Variants in MTA1 observed in about 807,000 individuals in gnomAD.
The protein encoded by MTA1 is metastasis-associated protein MTA1.
Under a neutral mutation model 97.0 loss-of-function variants are expected in MTA1, and 15 were observed. The observed-to-expected ratio is 0.15, with a 90% confidence interval of 0.10 to 0.24. The LOEUF is 0.24. Among genes scored for constraint, MTA1 ranks in the 10% least tolerant of loss-of-function variants. The pLI is 1.00. For synonymous variants in MTA1, 435 were observed against 417.5 expected, an observed-to-expected ratio of 1.04 and a Z score of -0.51; for missense variants, 709 against 1,015.1, an observed-to-expected ratio of 0.70 and a Z score of 4.10.
chr14:105,438,807 G>T, intron 2 of MTA1, 68 bp downstream of exon 2: 1 of 1,554,130 alleles, frequency 6.4e-7, no homozygotes. Flanking sequence ...CCTGCCCTGT[G>T]GGTGGCCAGT....
At chr14:105,469,692 C>G in intron 19 of MTA1, 149 bp from the exon 20 acceptor site, 1 of 1,289,982 alleles carries the variant, frequency 7.8e-7, no homozygotes, top group Non-Finnish European at 1.1e-6. Context: ...GACCAGCCCT[C>G]AGGGCTGCCC....
In MTA1 at chr14:105,463,939, C is replaced by A; in HGVS notation, c.1077-93C>A. ...AGGGGTGCGAGGACGTGGTTCTGGA[C>A]AAGGGGTGGTCAGCCGCGGTGCCTG... On this transcript the variant is annotated intron_variant, in intron 12 of 20. Coordinates refer to ENST00000331320, the MANE Select transcript of MTA1 (RefSeq NM_004689.4). The surrounding 1 kb of genome is among the most constrained non-coding windows in gnomAD (Gnocchi z 5.9). The A allele has an allele frequency of 8.3e-7, 1 of 1,206,948 alleles. No homozygotes were observed. Among genetic ancestry groups the A allele is most frequent in the Non-Finnish European group, 1.2e-6 (1 of 815,276 alleles). The allele number at this position is 1,206,948 out of a possible 1,614,324, so 74.8% of individuals were successfully genotyped here.
chr14:105,444,695 G>A (rs2082656039), intron 2 of MTA1, among the ~76,000 whole-genome samples: 1 of 151,170 alleles, frequency 6.6e-6, no homozygotes, highest in Non-Finnish European at 1.5e-5. Flanking sequence ...GGAGGCTGAG[G>A]CAGGAGAATC....
chr14:105,455,146 T>G (rs2083094042), intron 7 of MTA1, among the ~76,000 whole-genome samples: 1 of 152,158 alleles, frequency 6.6e-6, no homozygotes, highest in Admixed American at 6.5e-5. Flanking sequence ...ACTCAAGTGA[T>G]CTACCTGCTT....
intron 5 of MTA1, 35 bp downstream of exon 5, chr14:105,450,219 G>T (rs781958097): frequency 6.2e-7 from 1 of 1,611,160 alleles, no homozygotes; most frequent in Non-Finnish European, 8.5e-7. Flanking sequence ...GGGCCCCTCG[G>T]GCTGCCCTCG....
At chr14:105,423,820 G>T (rs924560230) in intron 1 of MTA1, among the ~76,000 whole-genome samples, 1 of 152,204 alleles carries the variant, frequency 6.6e-6, no homozygotes, top group Non-Finnish European at 1.5e-5. Context: ...TTGCCAGTGG[G>T]GAAAAAAGTA....
chr14:105,429,575 C>T (rs2082115888), intron 1 of MTA1, among the ~76,000 whole-genome samples: 1 of 151,758 alleles, frequency 6.6e-6, no homozygotes, highest in African/African-American at 2.4e-5. Context: ...CCTCAGCCTC[C>T]CGAGTAGCTG....
At chr14:105,441,733 G>C (rs111900359) in intron 2 of MTA1, among the ~76,000 whole-genome samples, 5,558 of 152,298 alleles carry the variant, frequency 0.036, 157 homozygotes, top group Middle Eastern at 0.078. Flanking sequence ...GGTGGAGCTT[G>C]CAGTGAGCCG....
At chr14:105,423,408 C>T (rs1555421464) in intron 1 of MTA1, among the ~76,000 whole-genome samples, 2 of 151,788 alleles carry the variant, frequency 1.3e-5, no homozygotes, top group African/African-American at 4.8e-5. Flanking sequence ...GTAGAGACGG[C>T]GTTTCTCCAT....
intron 2 of MTA1, among the ~76,000 whole-genome samples, chr14:105,439,095 TC>T (rs2082418205): frequency 7.3e-6 from 1 of 136,894 alleles, no homozygotes; most frequent in African/African-American, 2.7e-5. Context: ...AAAGCCATAC[TC>T]GGTGCCCCTG....
chr14:105,455,345 T>A (rs7493450), intron 7 of MTA1, among the ~76,000 whole-genome samples: 133,487 of 152,272 alleles, frequency 0.88, 61,210 homozygotes, highest in East Asian at 1. Flanking sequence ...CCCCGGATGC[T>A]GGCAGCCTCC....
rs2081873595 is a variant in MTA1, at chr14:105,422,430, G to A, written c.28+2367G>A. On this transcript the variant is annotated intron_variant, in intron 1 of 20. Transcript: ENST00000331320. This position sits in a 1 kb window ranked among gnomAD's most constrained non-coding sequence, Gnocchi z 4.3. Reference sequence around the variant, plus strand: ...CCGTCTGTCGCCGGCTGCCTGGCACGGGCTCCATCTGGGTGGCCAGTCCTG... The same window carrying A: ...CCGTCTGTCGCCGGCTGCCTGGCACAGGCTCCATCTGGGTGGCCAGTCCTG... Among the ~76,000 whole-genome samples the A allele has an allele frequency of 1.3e-5, 2 of 152,114 alleles. No homozygotes were observed. The highest frequency in any genetic ancestry group is 2.4e-5 in the African/African-American group (1 of 41,402).
At chr14:105,431,511 G>A (rs965173805) in intron 1 of MTA1, among the ~76,000 whole-genome samples, 1 of 152,216 alleles carries the variant, frequency 6.6e-6, no homozygotes, top group Non-Finnish European at 1.5e-5. Context: ...GCACAGAAAA[G>A]GGCTTGGTTG....
chr14:105,458,177 C>G lies in MTA1; in HGVS notation c.551-93C>G. ...GGGGCCCTGCAGCCCTTCCCCCTCC[C>G]CGTCCCAGCAGCTCCCCGCACCCGG... On this transcript the variant is annotated intron_variant, in intron 7 of 20. Coordinates refer to ENST00000331320, the MANE Select transcript of MTA1 (RefSeq NM_004689.4). The G allele has an allele frequency of 4.7e-6, 5 of 1,057,464 alleles. 1 individual carries two copies. In the South Asian group the frequency reaches 6.8e-5, roughly 14 times the overall value. The allele number at this position is 1,057,464 out of a possible 1,614,324, so 65.5% of individuals were successfully genotyped here.
chr14:105,450,349 G>C (rs1555428325), intron 6 of MTA1, 25 bp downstream of exon 6: 3 of 1,590,354 alleles, frequency 1.9e-6, no homozygotes, highest in Non-Finnish European at 2.6e-6. Flanking sequence ...GGCCTGGTCT[G>C]CCGCAGCCAG....
chr14:105,466,681 C>T (rs1427182849), intron 17 of MTA1, 26 bp from the exon 18 acceptor site: 3 of 1,604,980 alleles, frequency 1.9e-6, no homozygotes, highest in African/African-American at 1.3e-5. Flanking sequence ...GTCTTCTCTC[C>T]CTCTCTCCCA....
At chr14:105,456,542 T>C (rs1454141789) in intron 7 of MTA1, among the ~76,000 whole-genome samples, 1 of 152,236 alleles carries the variant, frequency 6.6e-6, no homozygotes, top group Non-Finnish European at 1.5e-5. Context: ...TCCCACCAGC[T>C]GGTGTGGGGC....
intron 17 of MTA1, 63 bp from the exon 18 acceptor site, chr14:105,466,644 C>CG: frequency 6.3e-7 from 1 of 1,589,618 alleles, no homozygotes; most frequent in Non-Finnish European, 8.6e-7. Context: ...CGTCCCCGCC[C>CG]GGGCACCCGC....
At chr14:105,445,976 A>C in intron 3 of MTA1, 3 of 286,572 alleles carry the variant, frequency 1.0e-5, no homozygotes, top group South Asian at 2.9e-5. Flanking sequence ...TACGATTCAA[A>C]CCCAAGTTTA....
Sources: allele counts gnomAD v4.1 joint callset (sites outside exome capture counted in the v4.1 genomes callset), GRCh38; gene constraint gnomAD v4.1.1; non-coding constraint Gnocchi (gnomAD v3.1); transcripts MANE v1.5; gene names NCBI Gene and HGNC (gene_info 2026-07-23, HGNC 2026-07-21).